The following CD2AP variants were observed in gnomAD, a reference collection of about 807,000 sequenced individuals.
CD2AP encodes CD2 associated protein.
A neutral mutation model predicts 85.1 loss-of-function variants in CD2AP; 46 were observed. The observed-to-expected ratio is 0.54, with a 90% CI of 0.43 to 0.69. The LOEUF (loss-of-function observed/expected upper bound fraction) is 0.69, where lower values mean the gene tolerates loss of function less well. Ranked by LOEUF, CD2AP falls within the 30% of genes least tolerant of loss-of-function variation. The pLI is 0.00. For missense variants in CD2AP, 769 were observed against 729.5 expected (o/e 1.05, Z -0.62); for synonymous variants, 255 against 252.9 (o/e 1.01, Z -0.08).
rs376527881 is a variant in CD2AP, at chr6:47,592,023, T to C, written c.1109-3838T>C. Reference sequence around the variant, plus strand: ...AATTTATTTTTTTCTTTTATAGATATGGGGGTATTGATTTGTTGCCCAGGC... The same window carrying C: ...AATTTATTTTTTTCTTTTATAGATACGGGGGTATTGATTTGTTGCCCAGGC... On this transcript the variant is annotated intron_variant, in intron 11 of 17. Transcript: ENST00000359314. Among the ~76,000 whole-genome samples the C allele has an allele frequency of 3.9e-5, 6 of 152,068 alleles. No homozygotes were observed. In the South Asian group the frequency reaches 8.3e-4, roughly 21 times the overall value.
rs1765352447 is a variant in CD2AP at position 47,478,186 on chromosome 6, A to G, written c.-59A>G. ...AGCCGCGGGAGCGGCCGCGCGAGCC[A>G]CCACTGGAGGAGGAGGAGGAGGAGC... On this transcript the variant is annotated 5_prime_UTR_variant, in exon 1 of 18. Coordinates refer to ENST00000359314, the MANE Select transcript of CD2AP (RefSeq NM_012120.3). The G allele has an allele frequency of 6.4e-6, 10 of 1,554,728 alleles. No individual in the cohort carries two copies. The highest frequency in any genetic ancestry group is 8.7e-7 in the Non-Finnish European group (1 of 1,149,612).
chr6:47,544,187 T>G (rs1767306503), intron 3 of CD2AP, among the ~76,000 whole-genome samples: 1 of 152,232 alleles, frequency 6.6e-6, no homozygotes, highest in Non-Finnish European at 1.5e-5. Context: ...TCTTACTGCT[T>G]CTTTCTATAG....
chr6:47,514,334 T>G (rs895707670), intron 2 of CD2AP, among the ~76,000 whole-genome samples: 5 of 152,214 alleles, frequency 3.3e-5, no homozygotes, highest in African/African-American at 4.8e-5. Context: ...TATACCTCAT[T>G]AATTTGTTAT....
intron 15 of CD2AP, 22 bp from the exon 16 acceptor site, chr6:47,609,101 A>T: frequency 6.4e-7 from 1 of 1,558,836 alleles, no homozygotes; most frequent in East Asian, 2.3e-5. Context: ...TAAAATCAGA[A>T]ATTTTTTTTT....
intron 11 of CD2AP, among the ~76,000 whole-genome samples, chr6:47,591,177 G>A (rs186319313): frequency 7.6e-4 from 116 of 152,288 alleles, no homozygotes; most frequent in African/African-American, 2.6e-3. Flanking sequence ...TTAGGATTTC[G>A]TTGACATAAA....
At chr6:47,547,457 G>A (rs1767395078) in intron 4 of CD2AP, among the ~76,000 whole-genome samples, 1 of 151,802 alleles carries the variant, frequency 6.6e-6, no homozygotes, top group African/African-American at 2.4e-5. Context: ...ATGTTAAAAG[G>A]CCTTGTCCAA....
intron 17 of CD2AP, among the ~76,000 whole-genome samples, chr6:47,623,804 A>G (rs538779478): frequency 1.2e-4 from 18 of 152,282 alleles, no homozygotes; most frequent in African/African-American, 3.6e-4. Context: ...ACAGGTCTCT[A>G]TTCTTTTTAC....
chr6:47,620,742 C>T (rs1199470909), intron 17 of CD2AP, among the ~76,000 whole-genome samples: 25 of 152,080 alleles, frequency 1.6e-4, no homozygotes, highest in Admixed American at 1.6e-3. Flanking sequence ...TGTAGTTTTC[C>T]TTGTAGAGGT....
intron 11 of CD2AP, among the ~76,000 whole-genome samples, chr6:47,592,938 A>T (rs575142244): frequency 6.6e-6 from 1 of 152,170 alleles, no homozygotes; most frequent in African/African-American, 2.4e-5. Context: ...AGGAGTGATC[A>T]TGGGAATCCC....
In CD2AP at chr6:47,521,601, C is replaced by G. The variant is rs546598183; in HGVS notation, c.166-12001C>G. Reference sequence around the variant, plus strand: ...CTGTTTTTAAGCTGTTGTTATTAAGCTAGTGTTTGGAAAAGTTTAAATATT... The same window carrying G: ...CTGTTTTTAAGCTGTTGTTATTAAGGTAGTGTTTGGAAAAGTTTAAATATT... On this transcript the variant is annotated intron_variant, in intron 2 of 17. Coordinates refer to ENST00000359314, the MANE Select transcript of CD2AP (RefSeq NM_012120.3). Among the ~76,000 whole-genome samples, 3 of 152,206 alleles carry G rather than the reference C, an allele frequency of 2.0e-5. No individual in the cohort carries two copies. In the East Asian group the frequency reaches 5.8e-4, roughly 29 times the overall value.
chr6:47,618,165 T>C (rs1203351545), intron 17 of CD2AP, among the ~76,000 whole-genome samples: 1 of 151,880 alleles, frequency 6.6e-6, no homozygotes, highest in Non-Finnish European at 1.5e-5. Context: ...CTAAAAAATA[T>C]AAAAATTAGC....
chr6:47,528,080 T>C (rs1766776732), intron 2 of CD2AP, among the ~76,000 whole-genome samples: 1 of 152,234 alleles, frequency 6.6e-6, no homozygotes, highest in Non-Finnish European at 1.5e-5. Flanking sequence ...AATACAGATA[T>C]ATCATTCTTT....
chr6:47,609,168 A>G lies in CD2AP; in HGVS notation c.1678A>G (p.Thr560Ala), dbSNP rs775040657. ...ACCTTCCAGTGCTTCTAAAGCAAATACAACTGCTTTCCTGACTCCATTAGA... is the reference window on the plus strand; with the variant it reads ...ACCTTCCAGTGCTTCTAAAGCAAATGCAACTGCTTTCCTGACTCCATTAGA... Reference protein sequence around the residue: ...STPSSASKANTTAFLTPLEIK... With the variant: ...STPSSASKANATAFLTPLEIK... The change falls in exon 16 of 18, where the codon ACA becomes GCA. Residue 560 changes from threonine to alanine, a missense_variant. Transcript: ENST00000359314. The G allele has an allele frequency of 3.7e-5, 60 of 1,613,292 alleles. No homozygotes were observed. Among genetic ancestry groups the G allele is most frequent in the Non-Finnish European group, 4.9e-5 (58 of 1,179,588 alleles).
At chr6:47,534,392 G>A (rs1301157104) in intron 3 of CD2AP, among the ~76,000 whole-genome samples, 1 of 152,166 alleles carries the variant, frequency 6.6e-6, no homozygotes, top group Non-Finnish European at 1.5e-5. Context: ...TTCTCAAAGA[G>A]CTTACATTCT....
chr6:47,566,590 AC>A (rs1768010032), intron 5 of CD2AP, among the ~76,000 whole-genome samples: 2 of 151,812 alleles, frequency 1.3e-5, no homozygotes. Context: ...GCACCTATCG[AC>A]CCATCCTCTC....
At chr6:47,542,093 C>G (rs1261198912) in intron 3 of CD2AP, among the ~76,000 whole-genome samples, 3 of 152,146 alleles carry the variant, frequency 2.0e-5, no homozygotes, top group African/African-American at 7.2e-5. Flanking sequence ...TCTTTGAAGC[C>G]TTCCATATCT....
intron 2 of CD2AP, among the ~76,000 whole-genome samples, chr6:47,525,473 A>AT (rs1338557102): frequency 6.6e-6 from 1 of 152,096 alleles, no homozygotes; most frequent in Non-Finnish European, 1.5e-5. Context: ...CCTGGTTTTT[A>AT]TTATTCTTTG....
intron 4 of CD2AP, among the ~76,000 whole-genome samples, chr6:47,545,550 A>T (rs1392535394): frequency 6.6e-6 from 1 of 152,170 alleles, no homozygotes; most frequent in African/African-American, 2.4e-5. Flanking sequence ...CAACCAGCAC[A>T]AAAATAGTGC....
At position 47,606,264 on chromosome 6, in the gene CD2AP, A is replaced by G. The variant is rs746941830; in HGVS notation, c.1517A>G (p.Asn506Ser). The change falls in exon 14 of 18, where the codon AAT becomes AGT. Residue 506 changes from asparagine (N) to serine (S), a missense_variant. Physicochemically the swap from Asn to Ser is conservative, Grantham distance 46. Transcript: ENST00000359314. ...MPGRRLPGRF[N>S]GGHSPTHSPE... ...GGAAGAAGGTTGCCGGGCCGTTTCAATGGTGGACATTCTGTGAGTTCATCT... is the reference window on the plus strand; with the variant it reads ...GGAAGAAGGTTGCCGGGCCGTTTCAGTGGTGGACATTCTGTGAGTTCATCT... 16 of 1,585,244 alleles carry G rather than the reference A, an allele frequency of 1.0e-5. No homozygotes were observed. Among genetic ancestry groups the G allele is most frequent in the Admixed American group, 3.3e-5 (2 of 59,844 alleles).
Sources: allele counts gnomAD v4.1 joint callset (sites outside exome capture counted in the v4.1 genomes callset), GRCh38; gene constraint gnomAD v4.1.1; transcripts MANE v1.5; gene names NCBI Gene and HGNC (gene_info 2026-07-23, HGNC 2026-07-21).